Variants in SLC47A2 observed in about 807,000 individuals in gnomAD.
The protein encoded by SLC47A2 is solute carrier family 47 member 2.
A neutral mutation model predicts 67.7 loss-of-function variants in SLC47A2; 52 were observed. The ratio of observed to expected loss-of-function variants is 0.77; its 90% CI spans 0.61 to 0.97. The LOEUF (loss-of-function observed/expected upper bound fraction) is 0.97, where lower values mean the gene tolerates loss of function less well. SLC47A2 is among the 50% of genes least tolerant of loss of function. The pLI, the probability that SLC47A2 is intolerant of heterozygous loss-of-function variation, is 0.00. For synonymous variants in SLC47A2, 278 were observed against 292.9 expected, an observed-to-expected ratio of 0.95 and a Z score of 0.52; for missense variants, 676 against 712.3, an observed-to-expected ratio of 0.95 and a Z score of 0.58.
intron 3 of SLC47A2, 60 bp from the exon 4 acceptor site, chr17:19,714,033 G>C: frequency 6.4e-7 from 1 of 1,554,172 alleles, no homozygotes; most frequent in Non-Finnish European, 8.7e-7. Context: ...CCTAAATCCC[G>C]CGCGGGGAGC....
At chr17:19,699,613 G>A (rs527254551) in intron 13 of SLC47A2, among the ~76,000 whole-genome samples, 5 of 152,032 alleles carry the variant, frequency 3.3e-5, no homozygotes, top group African/African-American at 1.2e-4. Context: ...ATGTTGCCCA[G>A]GCTGGTCTCA....
chr17:19,700,302 G>A (rs1218103801), intron 13 of SLC47A2, among the ~76,000 whole-genome samples: 1 of 152,180 alleles, frequency 6.6e-6, no homozygotes, highest in Non-Finnish European at 1.5e-5. Context: ...CATGGAAAAT[G>A]TAAATTAAGA....
intron 1 of SLC47A2, 31 bp from the exon 2 acceptor site, chr17:19,715,248 G>C (rs749169454): frequency 6.3e-7 from 1 of 1,585,904 alleles, no homozygotes; most frequent in Non-Finnish European, 8.6e-7. Context: ...CAGACTCGGG[G>C]CCACAGGTGC....
chr17:19,702,764 A>T lies in SLC47A2; in HGVS notation c.1095-90T>A, dbSNP rs1237251538. 33 of 1,429,642 alleles carry T rather than the reference A, an allele frequency of 2.3e-5. 1 individual carries two copies. Among genetic ancestry groups the T allele is most frequent in the South Asian group, 1.8e-4 (15 of 81,912 alleles). 88.6% of individuals were successfully genotyped at this position (1,429,642 alleles called of 1,614,324 possible). A position where few individuals can be genotyped will look rare whatever the true frequency, so the allele number is the denominator to read the frequency against. ...CTATTCCACACCCCACCCCCACAAG[A>T]AAAAGCTTTGGAATAGAGGTAGTTG... On this transcript the variant is annotated intron_variant, in intron 12 of 16. Transcript: ENST00000433844.
intron 13 of SLC47A2, among the ~76,000 whole-genome samples, chr17:19,698,692 AT>A (rs962535114): frequency 2.0e-5 from 3 of 152,184 alleles, no homozygotes; most frequent in Admixed American, 6.5e-5. Flanking sequence ...ATTAAAAAAA[AT>A]TCTTTTAATT....
chr17:19,707,654 T>C (rs2085977113), intron 8 of SLC47A2, 92 bp downstream of exon 8: 2 of 1,116,956 alleles, frequency 1.8e-6, no homozygotes, highest in Non-Finnish European at 2.6e-6. Context: ...CAGGCTCTAC[T>C]GCACCCTCTG....
intron 13 of SLC47A2, among the ~76,000 whole-genome samples, chr17:19,683,667 G>A (rs984968729): frequency 2.0e-5 from 3 of 152,156 alleles, no homozygotes; most frequent in Non-Finnish European, 1.5e-5. Context: ...GAAGAGACCC[G>A]TAGTACCCAG....
chr17:19,708,943 C>A (rs916449134), intron 5 of SLC47A2, among the ~76,000 whole-genome samples, 183 bp from the exon 6 acceptor site: 3 of 152,238 alleles, frequency 2.0e-5, no homozygotes, highest in Admixed American at 1.3e-4. Context: ...ATGCTCGGGC[C>A]CAGCCTATGG....
At chr17:19,679,833 A>T in intron 16 of SLC47A2, 119 bp downstream of exon 16, 1 of 967,580 alleles carries the variant, frequency 1.0e-6, no homozygotes, top group Non-Finnish European at 1.5e-6. Flanking sequence ...AATAATGGGA[A>T]GAAAAATAGC....
At chr17:19,709,874 C>T (rs375159167) in intron 5 of SLC47A2, among the ~76,000 whole-genome samples, 26 of 152,122 alleles carry the variant, frequency 1.7e-4, no homozygotes, top group African/African-American at 5.6e-4. Context: ...GCCATCACCT[C>T]GGTCTGAAAA....
chr17:19,705,988 G>A (rs995840199), intron 9 of SLC47A2, among the ~76,000 whole-genome samples: 4 of 152,090 alleles, frequency 2.6e-5, no homozygotes, highest in African/African-American at 7.2e-5. Context: ...CCAGTGCCCC[G>A]GAGGCCCCTG....
chr17:19,697,588 T>G (rs1295653638), intron 13 of SLC47A2, among the ~76,000 whole-genome samples: 2 of 152,118 alleles, frequency 1.3e-5, no homozygotes, highest in Admixed American at 1.3e-4. Flanking sequence ...AAAATTTGTT[T>G]TATTTATTTT....
At chr17:19,701,796 G>A (rs988327146) in intron 13 of SLC47A2, among the ~76,000 whole-genome samples, 3 of 152,060 alleles carry the variant, frequency 2.0e-5, no homozygotes, top group Non-Finnish European at 2.9e-5. Flanking sequence ...GCCAGGGCTT[G>A]GAAGATAAAC....
At chr17:19,703,301 G>A in intron 11 of SLC47A2, 134 bp from the exon 12 acceptor site, 1 of 726,176 alleles carries the variant, frequency 1.4e-6, no homozygotes, top group East Asian at 2.7e-5. Flanking sequence ...TTTGTCACAG[G>A]CCTTCATGTC....
chr17:19,707,558 A>G (rs1423410655), intron 8 of SLC47A2, among the ~76,000 whole-genome samples, 188 bp downstream of exon 8: 1 of 152,066 alleles, frequency 6.6e-6, no homozygotes, highest in African/African-American at 2.4e-5. Flanking sequence ...GCATCGTGAC[A>G]CCTTGGGTGG....
intron 13 of SLC47A2, 140 bp from the exon 14 acceptor site, chr17:19,681,810 C>T (rs2085322285): frequency 5.8e-6 from 6 of 1,041,104 alleles, no homozygotes; most frequent in East Asian, 5.2e-5. Flanking sequence ...CCCTTATCTC[C>T]CTTTCTTCCC....
chr17:19,690,463 ACAAT>A (rs1430746188), intron 13 of SLC47A2, among the ~76,000 whole-genome samples: 1 of 152,216 alleles, frequency 6.6e-6, no homozygotes, highest in African/African-American at 2.4e-5. Flanking sequence ...AGCAAAGGAA[ACAAT>A]CAACAAAGTG....
At position 19,702,939 on chromosome 17, in the gene SLC47A2, A is replaced by G. The variant is rs554852730; in HGVS notation, c.1094+153T>C. On this transcript the variant is annotated intron_variant, in intron 12 of 16. Coordinates refer to ENST00000433844, the MANE Select transcript of SLC47A2 (RefSeq NM_001099646.3). ...GGCACTAAAGGCCTGGGGTGGATAG[A>G]CAGAAGTTGGCTTCCTCTCAGTGAG... 1.1e-4 allele frequency among the ~76,000 whole-genome samples: 17 copies of G among 152,262 alleles called. No homozygotes were observed. The East Asian group carries it at 2.9e-3, about 26-fold the overall frequency.
At chr17:19,714,335 C>G (rs999115961) in intron 3 of SLC47A2, 1 of 401,070 alleles carries the variant, frequency 2.5e-6, no homozygotes, top group Non-Finnish European at 4.6e-6. Flanking sequence ...GCAGCCCCTG[C>G]TGGACTGCAG....
Sources: gnomAD v4.1 joint callset for allele counts (sites outside exome capture counted in the v4.1 genomes callset) on GRCh38, gnomAD v4.1.1 for gene constraint, MANE v1.5 for transcripts, NCBI Gene and HGNC (gene_info 2026-07-23, HGNC 2026-07-21) for gene names.